RIMBP2: variants seen among roughly 807,000 people sequenced by gnomAD.
RIMBP2 encodes RIMS binding protein 2, also known as RIMS-binding protein 2.
In RIMBP2, 48 loss-of-function variants were observed where a neutral mutation model predicts 118.6. The observed-to-expected ratio is 0.40, with a 90% CI of 0.32 to 0.51. The LOEUF (loss-of-function observed/expected upper bound fraction) is 0.51. Ranked by LOEUF, RIMBP2 falls within the 20% of genes least tolerant of loss-of-function variation. The probability of loss-of-function intolerance (pLI) is 0.41; values close to 1 mark genes in which losing one functional copy is unlikely to be tolerated. For missense variants in RIMBP2, 1,551 were observed against 1,768.3 expected, an observed-to-expected ratio of 0.88 and a Z score of 2.20; for synonymous variants, 762 against 742.9, an observed-to-expected ratio of 1.03 and a Z score of -0.42.
chr12:130,430,159 G>A (rs936790199), intron 14 of RIMBP2: 2 of 152,384 alleles, frequency 1.3e-5, no homozygotes, highest in African/African-American at 4.8e-5. Flanking sequence ...GCAAGTAAAC[G>A]ACAGGGCTGG....
chr12:130,585,531 G>A (rs2058827616), intron 2 of RIMBP2, among the ~76,000 whole-genome samples: 1 of 151,052 alleles, frequency 6.6e-6, no homozygotes, highest in East Asian at 2.0e-4. Context: ...AGAACTGCTT[G>A]AGCCCAGTTG....
At chr12:130,674,702 G>A (rs2064362437) in intron 1 of RIMBP2, among the ~76,000 whole-genome samples, 1 of 152,110 alleles carries the variant, frequency 6.6e-6, no homozygotes, top group South Asian at 2.1e-4. Context: ...CATCACCATT[G>A]CCTAGTTCCA....
chr12:130,532,201 G>T (rs78767064), intron 2 of RIMBP2, among the ~76,000 whole-genome samples: 635 of 50,546 alleles, frequency 0.013, no homozygotes, highest in South Asian at 0.029. Context: ...ATGCGTGTGT[G>T]TAGCCTCTAG....
At chr12:130,682,596 A>G (rs138178656) in intron 1 of RIMBP2, among the ~76,000 whole-genome samples, 21 of 152,378 alleles carry the variant, frequency 1.4e-4, no homozygotes, top group African/African-American at 4.8e-4. Flanking sequence ...AAATAGCTGT[A>G]TGCTGTAAAA....
chr12:130,398,977 C>T, intron 22 of RIMBP2: 1 of 400,126 alleles, frequency 2.5e-6, no homozygotes, highest in East Asian at 3.8e-5. Context: ...TTATTTAGGT[C>T]CAATAGTTTT....
At chr12:130,633,074 C>T (rs1033128870) in intron 1 of RIMBP2, among the ~76,000 whole-genome samples, 2 of 152,084 alleles carry the variant, frequency 1.3e-5, no homozygotes. Context: ...ACAAGGTCCT[C>T]GCTACATAGA....
At position 130,434,832 on chromosome 12, in the gene RIMBP2, C is replaced by A. The variant is rs754370396; in HGVS notation, c.2155G>T (p.Ala719Ser). ...TAGGCGTCCTCCTCGTCTGAGGCGG[C>A]GTACTGCCCCGCGCTGCTTCTCTCT... Reference protein sequence around the residue: ...FLERSSAGQYAASDEEDAYDS... With the variant: ...FLERSSAGQYSASDEEDAYDS... The change falls in exon 14 of 23, where the codon GCC (alanine) becomes TCC (serine). Residue 719 changes from alanine (A) to serine (S), a missense_variant. Transcript: ENST00000690449. The surrounding 1 kb of genome is among the most constrained non-coding windows in gnomAD (Gnocchi z 5.7). The A allele has an allele frequency of 1.9e-6, 3 of 1,613,694 alleles. No individual in the cohort carries two copies. Among genetic ancestry groups the A allele is most frequent in the Admixed American group, 1.7e-5 (1 of 60,012 alleles).
rs1185727594 is a variant in RIMBP2 at position 130,526,384 on chromosome 12, T to C, written c.-216-8467A>G. 1.4e-4 allele frequency among the ~76,000 whole-genome samples: 21 copies of C among 152,180 alleles called. 1 individual carries two copies. On this transcript the variant is annotated intron_variant, in intron 2 of 22. Transcript: ENST00000690449. ...GCTTTTGTGCTCGATGAAAGCCAGA[T>C]GACTTCTACAGGCTCAGGCATCAAA...
rs1035145158 is a variant in RIMBP2, at chr12:130,475,313, G to A, written c.102+3599C>T. 7.9e-5 allele frequency among the ~76,000 whole-genome samples: 12 copies of A among 152,226 alleles called. No homozygotes were observed. The highest frequency in any genetic ancestry group is 4.4e-5 in the Non-Finnish European group (3 of 68,042). On this transcript the variant is annotated intron_variant, in intron 5 of 22. Transcript: ENST00000690449. This position sits in a 1 kb window ranked among gnomAD's most constrained non-coding sequence, Gnocchi z 4.1. ...TGGGAGAAAGGTGCCTCTGGACAAG[G>A]TGCTGGGATGCAGGCCCCTGATATT...
chr12:130,646,780 A>C (rs2062999913), intron 1 of RIMBP2, among the ~76,000 whole-genome samples: 1 of 152,278 alleles, frequency 6.6e-6, no homozygotes, highest in African/African-American at 2.4e-5. Context: ...GATTTATTGC[A>C]GGTCGCACAA....
At position 130,601,292 on chromosome 12, in the gene RIMBP2, C is replaced by T. The variant is rs1029763807; in HGVS notation, c.-217+27030G>A. Among the ~76,000 whole-genome samples, 4 of 127,670 alleles carry T rather than the reference C, an allele frequency of 3.1e-5. No individual in the cohort carries two copies. The East Asian group carries it at 7.7e-4, about 24-fold the overall frequency. The allele number at this position is 127,670 out of a possible 152,430, so 83.8% of individuals were successfully genotyped here. Reference sequence around the variant, plus strand: ...AACCATATCAACTGCCTAAAAGCCACGGGCTGCTCACCCACCCTGGGGATG... The same window carrying T: ...AACCATATCAACTGCCTAAAAGCCATGGGCTGCTCACCCACCCTGGGGATG... On this transcript the variant is annotated intron_variant, in intron 2 of 22. Transcript: ENST00000690449.
intron 19 of RIMBP2, among the ~76,000 whole-genome samples, chr12:130,408,039 G>A (rs2136391240): frequency 6.6e-6 from 1 of 152,226 alleles, no homozygotes; most frequent in Non-Finnish European, 1.5e-5. Context: ...GCTGTAGTAT[G>A]GTTTCTCCCC....
At chr12:130,607,889 G>C (rs2060282565) in intron 2 of RIMBP2, among the ~76,000 whole-genome samples, 1 of 152,040 alleles carries the variant, frequency 6.6e-6, no homozygotes, top group African/African-American at 2.4e-5. Context: ...CCACCAAAAG[G>C]GGAGCTCCCA....
chr12:130,537,241 C>T (rs559506336), intron 2 of RIMBP2, among the ~76,000 whole-genome samples: 1 of 152,336 alleles, frequency 6.6e-6, no homozygotes, highest in African/African-American at 2.4e-5. Flanking sequence ...CCACAGAATG[C>T]ATTTCAAGCA....
chr12:130,682,936 G>T (rs769900322), intron 1 of RIMBP2, among the ~76,000 whole-genome samples: 10 of 152,218 alleles, frequency 6.6e-5, no homozygotes, highest in Non-Finnish European at 1.3e-4. Flanking sequence ...GTCCCAAAAA[G>T]ATTTTTATAA....
At chr12:130,582,392 C>G (rs1318572687) in intron 2 of RIMBP2, among the ~76,000 whole-genome samples, 2 of 152,204 alleles carry the variant, frequency 1.3e-5, no homozygotes, top group African/African-American at 4.8e-5. Context: ...GACTGTTTGC[C>G]TAAGAACACA....
At chr12:130,507,937 C>T (rs969195722) in intron 3 of RIMBP2, among the ~76,000 whole-genome samples, 1 of 152,166 alleles carries the variant, frequency 6.6e-6, no homozygotes, top group Non-Finnish European at 1.5e-5. Context: ...AAGGGAGGCA[C>T]CCACTTGGCA....
At chr12:130,423,669 AAAAAAAAT>A (rs912392168) in intron 16 of RIMBP2, among the ~76,000 whole-genome samples, 2 of 148,638 alleles carry the variant, frequency 1.3e-5, no homozygotes, top group African/African-American at 5.0e-5. Context: ...AAAAAAAAAA[AAAAAAAAT>A]AGATTTCTTC....
intron 2 of RIMBP2, among the ~76,000 whole-genome samples, chr12:130,594,486 T>C (rs1171490523): frequency 6.6e-6 from 1 of 152,214 alleles, no homozygotes; most frequent in African/African-American, 2.4e-5. Context: ...ACCTTCTGTC[T>C]TCCCTGGGCC....
Sources: gnomAD v4.1 joint callset for allele counts (sites outside exome capture counted in the v4.1 genomes callset) on GRCh38, gnomAD v4.1.1 for gene constraint, Gnocchi (gnomAD v3.1) non-coding constraint, MANE v1.5 for transcripts, NCBI Gene and HGNC (gene_info 2026-07-23, HGNC 2026-07-21) for gene names.